KIF26B: variants seen among roughly 807,000 people sequenced by gnomAD.
KIF26B encodes kinesin family member 26B, also known as kinesin-like protein KIF26B.
KIF26B carries 63 observed loss-of-function variants against 151.2 expected under a neutral mutation model. That is an observed-to-expected ratio of 0.42 (90% CI 0.34 to 0.51). The LOEUF (loss-of-function observed/expected upper bound fraction) is 0.51, where lower values mean the gene tolerates loss of function less well. KIF26B is among the 20% of genes least tolerant of loss of function. KIF26B has a pLI of 0.07. For missense variants in KIF26B, 2,813 were observed against 2,913.6 expected, an observed-to-expected ratio of 0.97 and a Z score of 0.79; for synonymous variants, 1,357 against 1,262.1, an observed-to-expected ratio of 1.08 and a Z score of -1.59.
At chr1:245,222,321 C>T (rs903669864) in intron 2 of KIF26B, among the ~76,000 whole-genome samples, 1 of 152,254 alleles carries the variant, frequency 6.6e-6, no homozygotes, top group South Asian at 2.1e-4. Flanking sequence ...TCTGTAATCT[C>T]AGCTACTTGG....
At chr1:245,224,485 G>A (rs866041559) in intron 2 of KIF26B, among the ~76,000 whole-genome samples, 10 of 152,198 alleles carry the variant, frequency 6.6e-5, no homozygotes, top group African/African-American at 9.7e-5. Context: ...TCAGGTTTGC[G>A]TATGTGGCAG....
At chr1:245,548,355 G>A (rs1661798118) in intron 5 of KIF26B, among the ~76,000 whole-genome samples, 1 of 152,170 alleles carries the variant, frequency 6.6e-6, no homozygotes, top group South Asian at 2.1e-4. Flanking sequence ...GGTCCGTCCT[G>A]AAAGAGGCAG....
chr1:245,436,491 T>C (rs1260217256), intron 4 of KIF26B, among the ~76,000 whole-genome samples: 2 of 151,840 alleles, frequency 1.3e-5, no homozygotes, highest in Non-Finnish European at 3.0e-5. Flanking sequence ...AGCTGACTCA[T>C]GTGATCGTGG....
chr1:245,562,086 C>T lies in KIF26B; in HGVS notation c.1350+21136C>T, dbSNP rs182693309. On this transcript the variant is annotated intron_variant, in intron 5 of 14. Coordinates refer to ENST00000407071, the MANE Select transcript of KIF26B (RefSeq NM_018012.4). ...GTGCAGATCAGACTCAGCACTGATA[C>T]TCGTCCTCCAGCCGTACTTTGTCTC... Among the ~76,000 whole-genome samples, 13 of 152,256 alleles carry T rather than the reference C, an allele frequency of 8.5e-5. No individual in the cohort carries two copies. In the East Asian group the frequency reaches 2.3e-3, roughly 27 times the overall value.
At chr1:245,662,958 C>A (rs10802240) in intron 10 of KIF26B, among the ~76,000 whole-genome samples, 2 of 149,118 alleles carry the variant, frequency 1.3e-5, no homozygotes, top group Admixed American at 6.7e-5. Context: ...TCTCAGGTCA[C>A]CTCTGTCTTT....
rs35411674 is a variant in KIF26B at position 245,607,066 on chromosome 1, CAAAA to C, written c.1558-565_1558-562del. Among the ~76,000 whole-genome samples the C allele has an allele frequency of 8.6e-3, 627 of 72,692 alleles. 2 individuals are homozygous for C. Among genetic ancestry groups the C allele is most frequent in the African/African-American group, 0.029 (593 of 20,696 alleles). 47.7% of individuals were successfully genotyped at this position (72,692 alleles called of 152,430 possible). ...GGGCAACGAGACTGAAACTCCGTCT[CAAAA>C]AAAAAAAAAAAAAAAAAAATGAGGA... On this transcript the variant is annotated intron_variant, in intron 6 of 14. Coordinates refer to ENST00000407071, the MANE Select transcript of KIF26B (RefSeq NM_018012.4).
chr1:245,436,047 C>T (rs530543760), intron 4 of KIF26B, among the ~76,000 whole-genome samples: 44 of 151,912 alleles, frequency 2.9e-4, no homozygotes, highest in East Asian at 9.7e-4. Context: ...CGTGGTGGTG[C>T]GCACCTGGAA....
intron 2 of KIF26B, among the ~76,000 whole-genome samples, chr1:245,190,629 G>GT (rs768099890): frequency 0.1 from 8,265 of 78,854 alleles, 335 homozygotes; most frequent in Middle Eastern, 0.15. Context: ...TTCCCTGAAT[G>GT]TTTTGTTTTG....
At chr1:245,226,850 G>T (rs1669886745) in intron 2 of KIF26B, among the ~76,000 whole-genome samples, 3 of 152,294 alleles carry the variant, frequency 2.0e-5, no homozygotes, top group African/African-American at 2.4e-5. Context: ...GTTCATTCTG[G>T]TTCCTGGGCT....
chr1:245,184,532 T>C (rs796352586), intron 2 of KIF26B, among the ~76,000 whole-genome samples: 49 of 152,336 alleles, frequency 3.2e-4, no homozygotes, highest in African/African-American at 1.0e-3. Flanking sequence ...TCATCTGCTA[T>C]TTGATTTTAA....
intron 2 of KIF26B, among the ~76,000 whole-genome samples, chr1:245,230,607 G>A: frequency 6.6e-6 from 1 of 152,106 alleles, no homozygotes; most frequent in Non-Finnish European, 1.5e-5. Context: ...GCCGGGCATG[G>A]TGGCGTGTGC....
At chr1:245,305,125 C>G (rs1416795257) in intron 2 of KIF26B, among the ~76,000 whole-genome samples, 1 of 152,128 alleles carries the variant, frequency 6.6e-6, no homozygotes, top group Non-Finnish European at 1.5e-5. Flanking sequence ...TTTCTGTTTT[C>G]TCTCTAAAAT....
chr1:245,322,840 C>T (rs569970284), intron 2 of KIF26B, among the ~76,000 whole-genome samples: 1 of 152,314 alleles, frequency 6.6e-6, no homozygotes, highest in African/African-American at 2.4e-5. Context: ...GATGAATGCT[C>T]ATTCTTCTAG....
At position 245,685,544 on chromosome 1, in the gene KIF26B, A is replaced by ACTC. The variant is rs556724217; in HGVS notation, c.2566_2568dup (p.Ser858dup). 9.7e-5 allele frequency: 156 copies of ACTC among 1,613,104 alleles called. No individual in the cohort carries two copies. The African/African-American group carries it at 1.6e-3, about 17-fold the overall frequency. ...GCTCACCTGTCCAGCGACCCCGACT[A>ACTC]CTCCTCCAGCAGCGAGCAGTCCTGC... On this transcript the variant is annotated inframe_insertion, in exon 12 of 15. Transcript: ENST00000407071.
intron 2 of KIF26B, among the ~76,000 whole-genome samples, chr1:245,298,660 A>G (rs569224937): frequency 1.1e-4 from 16 of 152,358 alleles, no homozygotes; most frequent in African/African-American, 3.6e-4. Flanking sequence ...CTCATGTTAC[A>G]TATACCACAC....
chr1:245,570,595 A>AG (rs767173691), intron 5 of KIF26B, among the ~76,000 whole-genome samples: 4 of 152,216 alleles, frequency 2.6e-5, no homozygotes, highest in Non-Finnish European at 5.9e-5. Context: ...GCACAGAGGC[A>AG]GGGAGGCTCT....
chr1:245,156,705 C>G lies in KIF26B; in HGVS notation c.465+22C>G, dbSNP rs1204852737. On this transcript the variant is annotated intron_variant, in intron 2 of 14. Transcript: ENST00000407071. ...CAAGGTGAGCGCCGCGCGGGGCTGGCTGGGGAGGCGCCGGGAGGGCGGGGC... is the reference window on the plus strand; with the variant it reads ...CAAGGTGAGCGCCGCGCGGGGCTGGGTGGGGAGGCGCCGGGAGGGCGGGGC... The G allele has an allele frequency of 2.8e-6, 4 of 1,409,336 alleles. No individual in the cohort carries two copies. In the Admixed American group the frequency reaches 9.2e-5, roughly 32 times the overall value. The allele number at this position is 1,409,336 out of a possible 1,614,324, so 87.3% of individuals were successfully genotyped here. A position where few individuals can be genotyped will look rare whatever the true frequency, so the allele number is the denominator to read the frequency against.
In KIF26B at chr1:245,519,051, A is replaced by G. The variant is rs545993740; in HGVS notation, c.1167-21716A>G. Among the ~76,000 whole-genome samples, 183 of 152,352 alleles carry G rather than the reference A, an allele frequency of 1.2e-3. 6 individuals carry two copies. The South Asian group carries it at 0.036, about 30-fold the overall frequency. ...TTAGAGCTTTGAAAGGAGGTAAGAC[A>G]TATAGGTAAATAATACACATAGGAA... On this transcript the variant is annotated intron_variant, in intron 4 of 14. Coordinates refer to ENST00000407071, the MANE Select transcript of KIF26B (RefSeq NM_018012.4).
intron 10 of KIF26B, among the ~76,000 whole-genome samples, chr1:245,655,441 G>A (rs536026022): frequency 8.5e-5 from 13 of 152,310 alleles, no homozygotes; most frequent in African/African-American, 1.4e-4. Flanking sequence ...GATAATTACC[G>A]TCTATCGAAA....
Sources: allele counts gnomAD v4.1 joint callset (sites outside exome capture counted in the v4.1 genomes callset), GRCh38; gene constraint gnomAD v4.1.1; transcripts MANE v1.5; gene names NCBI Gene and HGNC (gene_info 2026-07-23, HGNC 2026-07-21).